Variants in CCSER1 observed in about 807,000 individuals in gnomAD.
CCSER1 encodes the protein coiled-coil serine rich protein 1, also known as serine-rich coiled-coil domain-containing protein 1.
A neutral mutation model predicts 82.0 loss-of-function variants in CCSER1; 41 were observed. The observed-to-expected ratio is 0.50, with a 90% CI of 0.39 to 0.65. The LOEUF (loss-of-function observed/expected upper bound fraction) is 0.65. Ranked by LOEUF, CCSER1 falls within the 30% of genes least tolerant of loss-of-function variation. The pLI, the probability that CCSER1 is intolerant of heterozygous loss-of-function variation, is 0.00. For missense variants in CCSER1, 1,119 were observed against 1,064.2 expected (o/e 1.05, Z -0.72); for synonymous variants, 414 against 383.9 (o/e 1.08, Z -0.92).
At chr4:90,425,008 C>T (rs546406661) in intron 4 of CCSER1, among the ~76,000 whole-genome samples, 3 of 152,228 alleles carry the variant, frequency 2.0e-5, no homozygotes, top group Admixed American at 2.0e-4. Flanking sequence ...AGTCTTTATT[C>T]AGGCCATCGT....
intron 10 of CCSER1, among the ~76,000 whole-genome samples, chr4:91,340,409 C>G (rs1018461138): frequency 6.6e-6 from 1 of 152,014 alleles, no homozygotes; most frequent in African/African-American, 2.4e-5. Context: ...ATTTTTTTCC[C>G]CAGAGGGAAA....
At chr4:90,690,959 CA>C (rs541584202) in intron 6 of CCSER1, among the ~76,000 whole-genome samples, 69 of 152,012 alleles carry the variant, frequency 4.5e-4, no homozygotes, top group Non-Finnish European at 8.2e-4. Context: ...GCTGCTTACT[CA>C]ATGTCACTTT....
chr4:90,910,437 T>A (rs1197133327), intron 8 of CCSER1, among the ~76,000 whole-genome samples: 1 of 152,254 alleles, frequency 6.6e-6, no homozygotes, highest in Non-Finnish European at 1.5e-5. Flanking sequence ...TCATATTTTT[T>A]ATCAGTCTGT....
chr4:90,815,659 TAGTC>T (rs1306141748), intron 7 of CCSER1, 99 bp from the exon 8 acceptor site: 1 of 694,802 alleles, frequency 1.4e-6, no homozygotes, highest in East Asian at 2.8e-5. Flanking sequence ...TGAGTTTCGT[TAGTC>T]AGATGCAATT....
chr4:90,439,857 A>G (rs1027826912), intron 4 of CCSER1, among the ~76,000 whole-genome samples: 6 of 152,110 alleles, frequency 3.9e-5, no homozygotes, highest in Non-Finnish European at 5.9e-5. Flanking sequence ...TTTTTGTTCT[A>G]TGCAACTTGG....
chr4:90,611,622 A>T lies in CCSER1; in HGVS notation c.1725-16403A>T, dbSNP rs1785517392. ...ATTTTATTTTTGTGTGTATTAATTA[A>T]TAAGCCAAACCTCTTAAGGATATTT... On this transcript the variant is annotated intron_variant, in intron 5 of 10. Transcript: ENST00000509176. Among the ~76,000 whole-genome samples the T allele has an allele frequency of 2.0e-5, 3 of 151,414 alleles. No homozygotes were observed. The South Asian group carries it at 6.2e-4, about 31-fold the overall frequency.
intron 9 of CCSER1, among the ~76,000 whole-genome samples, chr4:91,059,613 G>A (rs1317886065): frequency 6.6e-6 from 1 of 151,096 alleles, no homozygotes; most frequent in Admixed American, 6.6e-5. Flanking sequence ...TAACTAAAAG[G>A]CACACTCACA....
intron 9 of CCSER1, among the ~76,000 whole-genome samples, chr4:90,990,013 A>C (rs1340345238): frequency 1.3e-5 from 2 of 151,866 alleles, no homozygotes; most frequent in African/African-American, 4.8e-5. Flanking sequence ...TGAGATTTTT[A>C]CAACCAGATG....
chr4:91,180,289 C>T (rs1022678476), intron 10 of CCSER1, among the ~76,000 whole-genome samples: 1 of 152,212 alleles, frequency 6.6e-6, no homozygotes, highest in Admixed American at 6.5e-5. Flanking sequence ...TCTGTCCATT[C>T]TCAGATTTCA....
chr4:90,873,921 A>G (rs1766874188), intron 8 of CCSER1, among the ~76,000 whole-genome samples: 1 of 152,168 alleles, frequency 6.6e-6, no homozygotes, highest in South Asian at 2.1e-4. Context: ...GCATGATTTA[A>G]TAACTGTCTT....
At chr4:90,529,540 A>G (rs1399121586) in intron 5 of CCSER1, among the ~76,000 whole-genome samples, 8 of 152,108 alleles carry the variant, frequency 5.3e-5, no homozygotes, top group East Asian at 1.9e-4. Context: ...TATAATCACT[A>G]TCTTTTAATG....
intron 1 of CCSER1, among the ~76,000 whole-genome samples, chr4:90,262,512 T>TTTTTTAAAATTTTAAA (rs1724517867): frequency 6.6e-6 from 1 of 152,172 alleles, no homozygotes; most frequent in Non-Finnish European, 1.5e-5. Flanking sequence ...AAATTTTAAT[T>TTTTTTAAAATTTTAAA]AGTTTTTTCC....
intron 10 of CCSER1, among the ~76,000 whole-genome samples, chr4:91,188,740 G>C (rs1415939919): frequency 1.3e-5 from 2 of 152,112 alleles, no homozygotes; most frequent in Non-Finnish European, 2.9e-5. Context: ...CTGACTACTT[G>C]TATGCTTGAT....
chr4:91,252,281 A>C (rs576395233), intron 10 of CCSER1, among the ~76,000 whole-genome samples: 121 of 152,296 alleles, frequency 7.9e-4, no homozygotes, highest in African/African-American at 2.9e-3. Context: ...TCCCAGATAA[A>C]AACTGAGGGA....
chr4:90,200,749 G>T (rs7676382), intron 1 of CCSER1, among the ~76,000 whole-genome samples: 9 of 151,346 alleles, frequency 5.9e-5, no homozygotes, highest in Admixed American at 5.3e-4. Context: ...TATACATAAT[G>T]TATATATTAT....
intron 9 of CCSER1, among the ~76,000 whole-genome samples, chr4:91,026,736 G>A (rs1308342116): frequency 6.6e-6 from 1 of 151,988 alleles, no homozygotes; most frequent in Non-Finnish European, 1.5e-5. Flanking sequence ...GTACTTTTGA[G>A]TTAATAGCTT....
At position 90,628,140 on chromosome 4, in the gene CCSER1, G is replaced by A. The variant is rs769520893; in HGVS notation, c.1840G>A (p.Gly614Arg). ...DWPLQGVEEN[G>R]GIDSLPFRLM... is the part of the protein sequence containing the mutation. ...GCCTCTACAAGGTGTGGAAGAAAAC[G>A]GAGGCATAGATTCTCTGCCATTCAG... Residue 614 changes from glycine to arginine, a missense_variant, in exon 6 of 11, where the codon GGA (glycine) becomes AGA (arginine). By Grantham distance (125) the Gly-to-Arg change is moderately radical. Coordinates refer to ENST00000509176, the MANE Select transcript of CCSER1 (RefSeq NM_001145065.2). 14 of 1,613,706 alleles carry A rather than the reference G, an allele frequency of 8.7e-6. No homozygotes were observed. The East Asian group carries it at 1.3e-4, about 15-fold the overall frequency.
chr4:91,104,498 A>C (rs1725407222), intron 10 of CCSER1, among the ~76,000 whole-genome samples: 1 of 150,994 alleles, frequency 6.6e-6, no homozygotes, highest in Non-Finnish European at 1.5e-5. Context: ...AATAGACAGA[A>C]CCTATGTTGA....
chr4:90,308,267 G>A lies in CCSER1; in HGVS notation c.-18G>A. 1 of 1,545,870 alleles carries A rather than the reference G, an allele frequency of 6.5e-7. No individual in the cohort carries two copies. Among genetic ancestry groups the A allele is most frequent in the Non-Finnish European group, 8.7e-7 (1 of 1,146,938 alleles). ...AGGCTGCAAAGTTGGCTTTCACAGT[G>A]CAAGCCTTTGATTCCCAATGGGGGA... On this transcript the variant is annotated 5_prime_UTR_variant, in exon 2 of 11. Transcript: ENST00000509176.
Sources: gnomAD v4.1 joint callset for allele counts (sites outside exome capture counted in the v4.1 genomes callset) on GRCh38, gnomAD v4.1.1 for gene constraint, MANE v1.5 for transcripts, NCBI Gene and HGNC (gene_info 2026-07-23, HGNC 2026-07-21) for gene names.